Variants in HDAC4 observed in about 807,000 individuals in gnomAD.
HDAC4 encodes histone deacetylase 4.
A neutral mutation model predicts 135.1 loss-of-function variants in HDAC4; 16 were observed. The ratio of observed to expected loss-of-function variants is 0.12; its 90% CI spans 0.08 to 0.18. The LOEUF is 0.18. Ranked by LOEUF, HDAC4 falls within the 10% of genes least tolerant of loss-of-function variation. The pLI, the probability that HDAC4 is intolerant of heterozygous loss-of-function variation, is 1.00. For synonymous variants in HDAC4, 685 were observed against 653.4 expected (o/e 1.05, Z -0.74); for missense variants, 1,143 against 1,511.8 (o/e 0.76, Z 4.05).
At chr2:239,351,764 G>A (rs1450685531) in intron 2 of HDAC4, 2 of 154,470 alleles carry the variant, frequency 1.3e-5, no homozygotes, top group Admixed American at 1.3e-4. Flanking sequence ...CTAAGGAGCA[G>A]GACCCAGAGC....
chr2:239,060,773 A>T (rs1574859972), intron 24 of HDAC4, among the ~76,000 whole-genome samples: 1 of 152,126 alleles, frequency 6.6e-6, no homozygotes, highest in Non-Finnish European at 1.5e-5. Flanking sequence ...GTTCAGCGTA[A>T]CTCTGTCTGT....
At chr2:239,393,591 C>T (rs1435269495) in intron 1 of HDAC4, among the ~76,000 whole-genome samples, 1 of 152,044 alleles carries the variant, frequency 6.6e-6, no homozygotes, top group Non-Finnish European at 1.5e-5. Context: ...AAAAGGACCA[C>T]ACCCCATTCC....
chr2:239,110,185 C>T (rs966501452), intron 14 of HDAC4, among the ~76,000 whole-genome samples: 1 of 152,242 alleles, frequency 6.6e-6, no homozygotes, highest in Non-Finnish European at 1.5e-5. Flanking sequence ...AAAGCAAATA[C>T]TAACAACCTG....
chr2:239,151,003 C>T (rs2042087414), intron 7 of HDAC4, among the ~76,000 whole-genome samples: 1 of 152,248 alleles, frequency 6.6e-6, no homozygotes, highest in African/African-American at 2.4e-5. Flanking sequence ...CTTCCTGGTC[C>T]CACCCCTCTC....
At chr2:239,054,728 G>GC in intron 25 of HDAC4, 21 bp downstream of exon 25, 2 of 1,545,842 alleles carry the variant, frequency 1.3e-6, no homozygotes, top group Non-Finnish European at 1.8e-6. Context: ...TCCCCTGTGA[G>GC]CACCCAGCCA....
At chr2:239,084,753 CAG>C (rs1574960126) in intron 19 of HDAC4, among the ~76,000 whole-genome samples, 1 of 146,250 alleles carries the variant, frequency 6.8e-6, no homozygotes, top group Non-Finnish European at 1.5e-5. Context: ...CCATACACCA[CAG>C]ACACACACCC....
chr2:239,250,416 T>C (rs1473836668), intron 2 of HDAC4, among the ~76,000 whole-genome samples: 2 of 152,136 alleles, frequency 1.3e-5, no homozygotes, highest in Admixed American at 6.5e-5. Flanking sequence ...GCTGTGAAAA[T>C]GTGACATGAG....
chr2:239,379,466 G>A (rs1695262094), intron 1 of HDAC4, among the ~76,000 whole-genome samples: 1 of 152,144 alleles, frequency 6.6e-6, no homozygotes, highest in Non-Finnish European at 1.5e-5. Flanking sequence ...CTCAAGCACA[G>A]CCCCAGCCCA....
intron 1 of HDAC4, among the ~76,000 whole-genome samples, chr2:239,384,266 T>C (rs1695629788): frequency 6.6e-6 from 1 of 152,054 alleles, no homozygotes; most frequent in South Asian, 2.1e-4. Context: ...TAAAGCCACA[T>C]TCGAAATGAC....
chr2:239,070,934 T>G (rs1342509843), intron 22 of HDAC4, among the ~76,000 whole-genome samples: 2 of 151,984 alleles, frequency 1.3e-5, no homozygotes, highest in Non-Finnish European at 2.9e-5. Context: ...GTTGTTTTTT[T>G]TTTTTTTTTT....
intron 24 of HDAC4, 49 bp downstream of exon 24, chr2:239,066,673 C>T (rs1362975399): frequency 5.6e-6 from 9 of 1,611,980 alleles, no homozygotes; most frequent in South Asian, 2.2e-5. Context: ...GCCACAACCC[C>T]GAGCCTGTCA....
intron 11 of HDAC4, among the ~76,000 whole-genome samples, chr2:239,130,820 C>G (rs1342901364): frequency 2.6e-5 from 4 of 152,332 alleles, no homozygotes; most frequent in South Asian, 4.1e-4. Context: ...CGGGTCCTGA[C>G]AGCAGATTGC....
intron 2 of HDAC4, among the ~76,000 whole-genome samples, chr2:239,315,285 T>C (rs1337151351): frequency 6.6e-6 from 1 of 152,204 alleles, no homozygotes; most frequent in Non-Finnish European, 1.5e-5. Context: ...CTTGGGCACA[T>C]GTTGTCAGCA....
intron 2 of HDAC4, among the ~76,000 whole-genome samples, chr2:239,327,049 A>C (rs2053491924): frequency 6.6e-6 from 1 of 152,252 alleles, no homozygotes; most frequent in Non-Finnish European, 1.5e-5. Flanking sequence ...TTTCTGGAAA[A>C]AAACCCTGAC....
intron 4 of HDAC4, among the ~76,000 whole-genome samples, chr2:239,177,245 A>G (rs2043832263): frequency 6.6e-6 from 1 of 152,200 alleles, no homozygotes; most frequent in Admixed American, 6.5e-5. Context: ...GCAAGACTGA[A>G]AGACCCTCCG....
chr2:239,372,007 G>C (rs4852060), intron 1 of HDAC4, among the ~76,000 whole-genome samples: 19,597 of 152,268 alleles, frequency 0.13, 2,923 homozygotes, highest in East Asian at 0.64. Context: ...CTGCAAAGCA[G>C]ACCAGGGCAG....
chr2:239,317,502 G>A (rs921102782), intron 2 of HDAC4, among the ~76,000 whole-genome samples: 8 of 152,018 alleles, frequency 5.3e-5, no homozygotes, highest in African/African-American at 1.9e-4. Context: ...AGTAAAGAAG[G>A]GTCCCAAAAC....
chr2:239,378,206 G>A (rs1695162490), intron 1 of HDAC4, among the ~76,000 whole-genome samples: 1 of 152,134 alleles, frequency 6.6e-6, no homozygotes. Context: ...GAGCAGCCCA[G>A]TGGGCATCCG....
At chr2:239,290,309 G>A (rs1415238349) in intron 2 of HDAC4, among the ~76,000 whole-genome samples, 1 of 152,208 alleles carries the variant, frequency 6.6e-6, no homozygotes, top group Non-Finnish European at 1.5e-5. Context: ...AGGCCAGGCT[G>A]TGGGGACACC....
Sources: allele counts gnomAD v4.1 joint callset (sites outside exome capture counted in the v4.1 genomes callset), GRCh38; gene constraint gnomAD v4.1.1; transcripts MANE v1.5; gene names NCBI Gene and HGNC (gene_info 2026-07-23, HGNC 2026-07-21).